Variants in REEP5 observed in about 807,000 individuals in gnomAD.
REEP5 encodes receptor expression-enhancing protein 5.
REEP5 carries 24 observed loss-of-function variants against 22.4 expected under a neutral mutation model. That is an observed-to-expected ratio of 1.07 (90% CI 0.78 to 1.51). The LOEUF (loss-of-function observed/expected upper bound fraction) is 1.51. Among genes scored for constraint, REEP5 ranks in the 40% most tolerant of loss-of-function variants. The pLI is 0.00. For synonymous variants in REEP5, 103 were observed against 88.6 expected, an observed-to-expected ratio of 1.16 and a Z score of -0.92; for missense variants, 252 against 233.0, an observed-to-expected ratio of 1.08 and a Z score of -0.53.
chr5:112,912,375 G>A (rs949151300), intron 2 of REEP5, among the ~76,000 whole-genome samples: 5 of 152,118 alleles, frequency 3.3e-5, no homozygotes, highest in African/African-American at 1.2e-4. Flanking sequence ...CAAACCAGTT[G>A]TACCAATATC....
intron 3 of REEP5, chr5:112,893,378 C>A (rs1336974751): frequency 1.0e-5 from 2 of 200,778 alleles, no homozygotes; most frequent in Non-Finnish European, 2.0e-5. Flanking sequence ...CCACTTCACT[C>A]CAGCCTGGGT....
At chr5:112,888,905 G>C (rs1000346703) in intron 3 of REEP5, among the ~76,000 whole-genome samples, 2 of 150,802 alleles carry the variant, frequency 1.3e-5, no homozygotes, top group Non-Finnish European at 2.9e-5. Context: ...GGAAAGGACA[G>C]GGTGAGAGAT....
chr5:112,914,026 C>T (rs1769177970), intron 2 of REEP5, among the ~76,000 whole-genome samples: 1 of 151,532 alleles, frequency 6.6e-6, no homozygotes, highest in African/African-American at 2.4e-5. Flanking sequence ...CCTGTAGTCC[C>T]AGCTACTCCA....
At chr5:112,883,756 C>T (rs1768146680) in intron 4 of REEP5, among the ~76,000 whole-genome samples, 2 of 152,118 alleles carry the variant, frequency 1.3e-5, no homozygotes, top group South Asian at 4.1e-4. Flanking sequence ...AAACAAATGT[C>T]CAGGACTAAA....
At chr5:112,897,490 TCTG>T (rs1420159949) in intron 3 of REEP5, 1 of 152,140 alleles carries the variant, frequency 6.6e-6, no homozygotes, top group African/African-American at 2.4e-5. Flanking sequence ...TCTAAATAAA[TCTG>T]CTGAATAAAG....
At chr5:112,901,731 T>C (rs1223653369) in intron 3 of REEP5, among the ~76,000 whole-genome samples, 2 of 135,792 alleles carry the variant, frequency 1.5e-5, no homozygotes, top group Non-Finnish European at 3.1e-5. Context: ...AAAAAGGAGG[T>C]CAGATTGAGA....
At chr5:112,917,098 T>C (rs910912859) in intron 2 of REEP5, among the ~76,000 whole-genome samples, 14 of 152,206 alleles carry the variant, frequency 9.2e-5, no homozygotes, top group Non-Finnish European at 1.8e-4. Flanking sequence ...TTCAAAAGTG[T>C]TGTTAAAGAT....
At chr5:112,893,729 A>G (rs1196058230) in intron 3 of REEP5, 1 of 152,276 alleles carries the variant, frequency 6.6e-6, no homozygotes, top group Admixed American at 6.5e-5. Context: ...AACTCAAATC[A>G]GCCTTCTGCA....
At chr5:112,890,829 A>G (rs1768416291) in intron 3 of REEP5, among the ~76,000 whole-genome samples, 1 of 150,868 alleles carries the variant, frequency 6.6e-6, no homozygotes, top group Non-Finnish European at 1.5e-5. Context: ...CAAACCTTAT[A>G]CAAGTTACTT....
Position 112,877,532 on chromosome 5 carries a change from C to CAAAG in REEP5, c.*1250_*1253dup, listed in dbSNP as rs1298964352. The CAAAG allele has an allele frequency of 2.0e-5, 3 of 152,150 alleles. No individual in the cohort carries two copies. The highest frequency in any genetic ancestry group is 2.9e-5 in the Non-Finnish European group (2 of 68,018). The allele number at this position is 152,150 out of a possible 1,614,324, so 9.4% of individuals were successfully genotyped here. On this transcript the variant is annotated 3_prime_UTR_variant, in exon 5 of 5. Coordinates refer to ENST00000379638, the MANE Select transcript of REEP5 (RefSeq NM_005669.5). ...TGTAGTCATGTGCAGCTTATCAACA[C>CAAAG]AAAGAATACGGATGAGGGCATTTAA...
Position 112,888,783 on chromosome 5 carries a change from G to T in REEP5, c.352-1600C>A, listed in dbSNP as rs6862066. Among the ~76,000 whole-genome samples the T allele has an allele frequency of 4.5e-3, 683 of 150,944 alleles. 46 individuals carry two copies. The highest frequency in any genetic ancestry group is 0.016 in the African/African-American group (662 of 40,652). ...CACCTGTAGTCCCAGTGACTTGGGAGGCCAAGGTGCAAGGATTGCTTGGGC... is the reference window on the plus strand; with the variant it reads ...CACCTGTAGTCCCAGTGACTTGGGATGCCAAGGTGCAAGGATTGCTTGGGC... On this transcript the variant is annotated intron_variant, in intron 3 of 4. Transcript: ENST00000379638.
At chr5:112,892,646 T>G in intron 3 of REEP5, 1 of 1,614,060 alleles carries the variant, frequency 6.2e-7, no homozygotes. Flanking sequence ...TTTCTTCATG[T>G]GTTCAGAAAT....
chr5:112,893,104 A>T (rs1328927179), intron 3 of REEP5: 4 of 1,049,776 alleles, frequency 3.8e-6, no homozygotes, highest in Non-Finnish European at 5.4e-6. Flanking sequence ...TAAAAAAAAA[A>T]AAAAAAAAAA....
At chr5:112,879,315 T>A (rs1249083783) in intron 4 of REEP5, among the ~76,000 whole-genome samples, 2 of 36,642 alleles carry the variant, frequency 5.5e-5, no homozygotes, top group Non-Finnish European at 9.3e-5. Flanking sequence ...CATCCCTTGA[T>A]ATATGTGTTT....
At chr5:112,916,422 T>C (rs1429476420) in intron 2 of REEP5, among the ~76,000 whole-genome samples, 1 of 152,224 alleles carries the variant, frequency 6.6e-6, no homozygotes, top group East Asian at 1.9e-4. Flanking sequence ...GGTGGCCTTG[T>C]GCTAGTAAAA....
intron 4 of REEP5, among the ~76,000 whole-genome samples, chr5:112,884,078 T>TA (rs1258497721): frequency 6.6e-6 from 1 of 152,214 alleles, no homozygotes; most frequent in Non-Finnish European, 1.5e-5. Context: ...CTTCCTGCCT[T>TA]ACCCCTTCAG....
chr5:112,920,749 A>G (rs1470661223), intron 2 of REEP5, among the ~76,000 whole-genome samples: 1 of 152,206 alleles, frequency 6.6e-6, no homozygotes, highest in Non-Finnish European at 1.5e-5. Context: ...TTATGAATTA[A>G]GGAAGACCTA....
intron 3 of REEP5, among the ~76,000 whole-genome samples, chr5:112,888,791 T>G (rs575179211): frequency 6.6e-6 from 1 of 150,938 alleles, no homozygotes; most frequent in Non-Finnish European, 1.5e-5. Flanking sequence ...GAGGCCAAGG[T>G]GCAAGGATTG....
At chr5:112,921,085 G>T (rs1769346039) in intron 2 of REEP5, 78 bp downstream of exon 2, 1 of 1,370,954 alleles carries the variant, frequency 7.3e-7, no homozygotes, top group Non-Finnish European at 1.0e-6. Flanking sequence ...GGGAATTGCG[G>T]ATGTGCAGTC....
Sources: gnomAD v4.1 joint callset for allele counts (sites outside exome capture counted in the v4.1 genomes callset) on GRCh38, gnomAD v4.1.1 for gene constraint, MANE v1.5 for transcripts, NCBI Gene and HGNC (gene_info 2026-07-23, HGNC 2026-07-21) for gene names.